DIS3L2: variants seen among roughly 807,000 people sequenced by gnomAD.
The protein encoded by DIS3L2 is DIS3 like 3'-5' exoribonuclease 2, also known as DIS3-like exonuclease 2.
In DIS3L2, 34 loss-of-function variants were observed where a neutral mutation model predicts 97.5. The ratio of observed to expected loss-of-function variants is 0.35; its 90% CI spans 0.27 to 0.46. The LOEUF (loss-of-function observed/expected upper bound fraction) is 0.46. Ranked by LOEUF, DIS3L2 falls within the 20% of genes least tolerant of loss-of-function variation. DIS3L2 has a pLI of 1.00. For synonymous variants in DIS3L2, 435 were observed against 445.2 expected, an observed-to-expected ratio of 0.98 and a Z score of 0.29; for missense variants, 1,038 against 1,146.0, an observed-to-expected ratio of 0.91 and a Z score of 1.36.
At chr2:232,342,298 CACATATAT>C (rs967651383) in intron 13 of DIS3L2, among the ~76,000 whole-genome samples, 3 of 151,530 alleles carry the variant, frequency 2.0e-5, no homozygotes, top group Non-Finnish European at 2.9e-5. Context: ...TGCATATATA[CACATATAT>C]ACATATATAC....
chr2:232,268,801 CTCA>C lies in DIS3L2; in HGVS notation c.1659+5368_1659+5370del, dbSNP rs576213090. Among the ~76,000 whole-genome samples the C allele has an allele frequency of 5.3e-5, 8 of 152,314 alleles. No homozygotes were observed. In the South Asian group the frequency reaches 1.7e-3, roughly 32 times the overall value. ...CTGCTATCCAGTGAGCTTTTAGCAG[CTCA>C]TCATCACTTCACAGGGAAGCCAGGC... On this transcript the variant is annotated intron_variant, in intron 13 of 20. Transcript: ENST00000325385. This position sits in a 1 kb window ranked among gnomAD's most constrained non-coding sequence, Gnocchi z 4.1.
chr2:232,321,537 G>A (rs548516218), intron 14 of DIS3L2, among the ~76,000 whole-genome samples: 3 of 152,182 alleles, frequency 2.0e-5, no homozygotes, highest in South Asian at 4.2e-4. Flanking sequence ...CTCCTGACCC[G>A]GAGGCCCAGT....
At chr2:232,301,271 G>A (rs949125886) in intron 14 of DIS3L2, among the ~76,000 whole-genome samples, 1 of 152,190 alleles carries the variant, frequency 6.6e-6, no homozygotes, top group African/African-American at 2.4e-5. Flanking sequence ...ACTCTGGGGA[G>A]AGAATAGAAG....
At chr2:232,256,486 T>C (rs1306135781) in intron 12 of DIS3L2, among the ~76,000 whole-genome samples, 1 of 152,252 alleles carries the variant, frequency 6.6e-6, no homozygotes, top group Non-Finnish European at 1.5e-5. Flanking sequence ...TGTAGAACTA[T>C]GTTGTGTACC....
Position 232,327,259 on chromosome 2 carries a change from C to T in DIS3L2, c.1740-2554C>T, listed in dbSNP as rs1329441401. 5.9e-5 allele frequency among the ~76,000 whole-genome samples: 9 copies of T among 152,190 alleles called. No homozygotes were observed. In the East Asian group the frequency reaches 1.3e-3, roughly 23 times the overall value. ...CTTAGCCTGCAGCCTCAGTGCTGCCCGCTATGGGGTCATGCTGCCTCCTGC... is the reference window on the plus strand; with the variant it reads ...CTTAGCCTGCAGCCTCAGTGCTGCCTGCTATGGGGTCATGCTGCCTCCTGC... On this transcript the variant is annotated intron_variant, in intron 14 of 20. Coordinates refer to ENST00000325385, the MANE Select transcript of DIS3L2 (RefSeq NM_152383.5).
chr2:232,295,186 C>G (rs929902087), intron 13 of DIS3L2, among the ~76,000 whole-genome samples: 5 of 152,206 alleles, frequency 3.3e-5, no homozygotes, highest in African/African-American at 1.2e-4. Context: ...CCTGGCAATA[C>G]TCCCTGGCAA....
chr2:232,249,345 A>C lies in DIS3L2; in HGVS notation c.1424A>C (p.Lys475Thr), dbSNP rs1307641546. 3 of 1,613,970 alleles carry C rather than the reference A, an allele frequency of 1.9e-6. No individual in the cohort carries two copies. The highest frequency in any genetic ancestry group is 1.7e-6 in the Non-Finnish European group (2 of 1,179,976). Residue 475 changes from lysine (K) to threonine (T), a missense_variant and splice_region_variant, in exon 12 of 21, where the codon AAG becomes ACG. Transcript: ENST00000325385. ...SVIWTLTPEG[K>T]ILDEWFGRTI... ...ATCTGGACACTGACTCCAGAGGGCA[A>C]GGTAACAACTTACACGTTTTCTTTC... is the stretch of plus-strand genomic sequence containing the variant.
intron 14 of DIS3L2, among the ~76,000 whole-genome samples, chr2:232,322,730 A>AGAG (rs1392044962): frequency 6.6e-6 from 1 of 152,210 alleles, no homozygotes; most frequent in Non-Finnish European, 1.5e-5. Flanking sequence ...TGCCTTGGTA[A>AGAG]CGTGTGGGTG....
chr2:232,324,428 A>G (rs1695519401), intron 14 of DIS3L2, among the ~76,000 whole-genome samples: 1 of 152,120 alleles, frequency 6.6e-6, no homozygotes, highest in African/African-American at 2.4e-5. Context: ...AGGGCAGAAG[A>G]GGCTGTTTCT....
chr2:232,343,400 C>A, exon 14 of DIS3L2: 1 of 1,556,616 alleles, frequency 6.4e-7, no homozygotes, highest in Non-Finnish European at 8.7e-7. Context: ...AGCCCCTCTG[C>A]TGAAGATGCA....
intron 5 of DIS3L2, among the ~76,000 whole-genome samples, chr2:232,042,711 G>T (rs912439288): frequency 6.6e-6 from 1 of 152,174 alleles, no homozygotes; most frequent in South Asian, 2.1e-4. Context: ...CTGAAATAAG[G>T]AGTGTATTGT....
intron 6 of DIS3L2, among the ~76,000 whole-genome samples, chr2:232,094,341 C>T (rs964102075): frequency 6.6e-6 from 1 of 152,098 alleles, no homozygotes; most frequent in Non-Finnish European, 1.5e-5. Flanking sequence ...CTATTTTGAT[C>T]TATAATGCAG....
At chr2:232,175,795 G>A (rs745907908) in intron 9 of DIS3L2, among the ~76,000 whole-genome samples, 20 of 151,860 alleles carry the variant, frequency 1.3e-4, no homozygotes, top group Admixed American at 5.3e-4. Flanking sequence ...GCGATGGGTG[G>A]GGGGGTGGTT....
At chr2:232,155,068 C>G (rs199931195) in intron 8 of DIS3L2, among the ~76,000 whole-genome samples, 1,244 of 142,506 alleles carry the variant, frequency 8.7e-3, no homozygotes, top group East Asian at 0.016. Context: ...GGCTCGCGCA[C>G]GGTGAGCACA....
exon 14 of DIS3L2, chr2:232,343,446 G>A: frequency 6.4e-7 from 1 of 1,555,966 alleles, no homozygotes. Context: ...GCCTGCCTGA[G>A]ACTCGGGGCA....
intron 9 of DIS3L2, among the ~76,000 whole-genome samples, chr2:232,205,703 A>G (rs1692010597): frequency 6.6e-6 from 1 of 152,214 alleles, no homozygotes; most frequent in Admixed American, 6.5e-5. Context: ...CAAACTATAA[A>G]TAAAATCTCC....
At chr2:232,229,002 C>T (rs1414459627) in intron 10 of DIS3L2, among the ~76,000 whole-genome samples, 1 of 152,170 alleles carries the variant, frequency 6.6e-6, no homozygotes, top group Admixed American at 6.5e-5. Context: ...GGAACAATCC[C>T]TGTATCTGCT....
rs11903728 is a variant in DIS3L2 at position 232,304,404 on chromosome 2, A to C, written c.1739+4285A>C. ...GGCAAAGATACGTTAGACCCAGTGC[A>C]TGCCCTCAGGGTTTGTATAAGGAGC... On this transcript the variant is annotated intron_variant, in intron 14 of 20. Transcript: ENST00000325385. Among the ~76,000 whole-genome samples, 14 of 152,160 alleles carry C rather than the reference A, an allele frequency of 9.2e-5. No homozygotes were observed. The East Asian group carries it at 1.3e-3, about 15-fold the overall frequency.
rs1694023602 is a variant in DIS3L2, at chr2:232,272,190, C to G, written c.1659+8750C>G. On this transcript the variant is annotated intron_variant, in intron 13 of 20. Coordinates refer to ENST00000325385, the MANE Select transcript of DIS3L2 (RefSeq NM_152383.5). ...TAGAAGGAATACAGGTTGCATTATT[C>G]TGGAAGTTGTTAAAAATACAGACTC... 2.0e-5 allele frequency among the ~76,000 whole-genome samples: 3 copies of G among 152,242 alleles called. No homozygotes were observed. In the South Asian group the frequency reaches 6.2e-4, roughly 32 times the overall value.
Sources: gnomAD v4.1 joint callset for allele counts (sites outside exome capture counted in the v4.1 genomes callset) on GRCh38, gnomAD v4.1.1 for gene constraint, Gnocchi (gnomAD v3.1) non-coding constraint, MANE v1.5 for transcripts, NCBI Gene and HGNC (gene_info 2026-07-23, HGNC 2026-07-21) for gene names.